The following NRXN3 variants were observed in gnomAD, a reference collection of about 807,000 sequenced individuals.
NRXN3 encodes neurexin 3.
A neutral mutation model predicts 137.6 loss-of-function variants in NRXN3; 32 were observed. That is an observed-to-expected ratio of 0.23 (90% CI 0.18 to 0.31). The LOEUF is 0.31. NRXN3 is among the 10% of genes least tolerant of loss of function. NRXN3 has a pLI of 1.00. For missense variants in NRXN3, 1,574 were observed against 2,062.5 expected (o/e 0.76, Z 4.59); for synonymous variants, 798 against 784.5 (o/e 1.02, Z -0.29).
chr14:79,754,502 TGATATATATATATA>T (rs1244742234), intron 19 of NRXN3, among the ~76,000 whole-genome samples: 4 of 48,408 alleles, frequency 8.3e-5, no homozygotes, highest in South Asian at 8.2e-4. Context: ...CACTCTCTCT[TGATATATATATATA>T]TATATATATA....
chr14:79,219,009 T>C (rs2069032472), intron 15 of NRXN3, among the ~76,000 whole-genome samples: 1 of 152,126 alleles, frequency 6.6e-6, no homozygotes, highest in Admixed American at 6.5e-5. Context: ...GTGGTGCTGG[T>C]GGAAGTGAAA....
At chr14:79,667,564 G>A (rs1181741708) in intron 17 of NRXN3, among the ~76,000 whole-genome samples, 2 of 151,884 alleles carry the variant, frequency 1.3e-5, no homozygotes, top group African/African-American at 4.8e-5. Flanking sequence ...TTGTGAATCA[G>A]GGAAGAAACA....
At chr14:79,501,745 G>GA (rs5809937) in intron 16 of NRXN3, among the ~76,000 whole-genome samples, 77 of 145,372 alleles carry the variant, frequency 5.3e-4, no homozygotes, top group South Asian at 2.0e-3. Context: ...TTCCCTCTAG[G>GA]AAAAAAAAAA....
At chr14:78,955,220 T>C (rs1056354635) in intron 10 of NRXN3, among the ~76,000 whole-genome samples, 1 of 152,132 alleles carries the variant, frequency 6.6e-6, no homozygotes, top group African/African-American at 2.4e-5. Context: ...GATAAAAACA[T>C]AAAAAAACAA....
intron 15 of NRXN3, among the ~76,000 whole-genome samples, chr14:79,464,327 G>C (rs2096393465): frequency 1.3e-5 from 2 of 152,020 alleles, no homozygotes; most frequent in Non-Finnish European, 2.9e-5. Context: ...CATAAATTCA[G>C]AATAACAAAA....
intron 14 of NRXN3, among the ~76,000 whole-genome samples, chr14:78,975,693 G>A (rs1421432688): frequency 1.3e-5 from 2 of 152,166 alleles, no homozygotes; most frequent in African/African-American, 4.8e-5. Flanking sequence ...CCTGTTACTT[G>A]ACTTGGTCAA....
At chr14:79,101,645 A>G (rs1243867319) in intron 15 of NRXN3, among the ~76,000 whole-genome samples, 3 of 152,194 alleles carry the variant, frequency 2.0e-5, no homozygotes, top group African/African-American at 4.8e-5. Context: ...TGTGTGCGGC[A>G]TGAAGCCAGA....
chr14:79,809,093 G>T (rs1209943835), intron 20 of NRXN3, among the ~76,000 whole-genome samples: 1 of 152,132 alleles, frequency 6.6e-6, no homozygotes, highest in Non-Finnish European at 1.5e-5. Flanking sequence ...TAAAGTAAAA[G>T]CTCAATTAGG....
chr14:78,887,863 A>C (rs1001563949), intron 10 of NRXN3, among the ~76,000 whole-genome samples: 19 of 152,092 alleles, frequency 1.2e-4, no homozygotes, highest in African/African-American at 4.6e-4. Context: ...TGAAAACAGC[A>C]TCTCACTGGG....
chr14:79,177,368 G>A (rs2062452478), intron 15 of NRXN3, among the ~76,000 whole-genome samples: 1 of 152,150 alleles, frequency 6.6e-6, no homozygotes, highest in African/African-American at 2.4e-5. Context: ...AAATGAAAAT[G>A]CTTTAAAATT....
At chr14:79,093,287 G>A (rs1221358234) in intron 15 of NRXN3, among the ~76,000 whole-genome samples, 1 of 152,138 alleles carries the variant, frequency 6.6e-6, no homozygotes, top group Non-Finnish European at 1.5e-5. Flanking sequence ...ATCTAGCCAG[G>A]TGTGGGGACT....
intron 15 of NRXN3, among the ~76,000 whole-genome samples, chr14:79,455,569 T>G (rs1379347520): frequency 6.6e-6 from 1 of 152,194 alleles, no homozygotes; most frequent in Non-Finnish European, 1.5e-5. Flanking sequence ...GTCATTAGCC[T>G]ATTGAGTTTT....
chr14:79,276,885 T>C (rs1452094798), intron 15 of NRXN3, among the ~76,000 whole-genome samples: 1 of 152,220 alleles, frequency 6.6e-6, no homozygotes, highest in Non-Finnish European at 1.5e-5. Flanking sequence ...AGTTCGTTCA[T>C]TCAGCCAGTA....
At chr14:79,365,725 C>CAAAAAAAAAAAAAAAAAAAAAAAAA (rs569855024) in intron 15 of NRXN3, among the ~76,000 whole-genome samples, 3 of 42,400 alleles carry the variant, frequency 7.1e-5, no homozygotes, top group Non-Finnish European at 1.2e-4. Context: ...GACTCTGTCT[C>CAAAAAAAAAAAAAAAAAAAAAAAAA]AAAAAAAAAA....
chr14:79,602,557 A>G (rs2097938867), intron 16 of NRXN3, among the ~76,000 whole-genome samples: 1 of 152,038 alleles, frequency 6.6e-6, no homozygotes. Context: ...AATGTGCTGG[A>G]GGGGTTTGGC....
intron 6 of NRXN3, chr14:78,697,740 G>C (rs888906825): frequency 6.6e-6 from 1 of 151,880 alleles, no homozygotes; most frequent in South Asian, 2.1e-4. Context: ...AAATTAATTC[G>C]AGTACCAGCA....
At chr14:79,425,148 C>T (rs1403804651) in intron 15 of NRXN3, among the ~76,000 whole-genome samples, 1 of 151,972 alleles carries the variant, frequency 6.6e-6, no homozygotes, top group Non-Finnish European at 1.5e-5. Flanking sequence ...TTTTAACTCC[C>T]CTATGATCGA....
intron 16 of NRXN3, among the ~76,000 whole-genome samples, chr14:79,600,302 G>T (rs2097909075): frequency 6.6e-6 from 1 of 152,112 alleles, no homozygotes; most frequent in African/African-American, 2.4e-5. Flanking sequence ...GAGCTCCTTA[G>T]AGAGTTTCCA....
At chr14:79,775,846 G>C (rs1488695865) in intron 19 of NRXN3, among the ~76,000 whole-genome samples, 1 of 152,172 alleles carries the variant, frequency 6.6e-6, no homozygotes, top group Non-Finnish European at 1.5e-5. Context: ...CATAGGTGCA[G>C]ATTAAATTGT....
Sources: gnomAD v4.1 joint callset for allele counts (sites outside exome capture counted in the v4.1 genomes callset) on GRCh38, gnomAD v4.1.1 for gene constraint, MANE v1.5 for transcripts, NCBI Gene and HGNC (gene_info 2026-07-23, HGNC 2026-07-21) for gene names.